ATP5MG: variants seen among roughly 807,000 people sequenced by gnomAD.
The protein encoded by ATP5MG is ATP synthase F(0) complex subunit g, mitochondrial.
ATP5MG carries 7 observed loss-of-function variants against 12.7 expected under a neutral mutation model. That is an observed-to-expected ratio of 0.55 (90% confidence interval 0.31 to 1.04). The LOEUF (loss-of-function observed/expected upper bound fraction) is 1.04. ATP5MG is among the 50% of genes least tolerant of loss of function. The probability of loss-of-function intolerance (pLI) is 0.05; values close to 1 mark genes in which losing one functional copy is unlikely to be tolerated. For synonymous variants in ATP5MG, 53 were observed against 48.2 expected, an observed-to-expected ratio of 1.10 and a Z score of -0.41; for missense variants, 116 against 126.7, an observed-to-expected ratio of 0.92 and a Z score of 0.41.
intron 2 of ATP5MG, 41 bp downstream of exon 2, chr11:118,407,138 A>C: frequency 6.2e-7 from 1 of 1,610,960 alleles, no homozygotes; most frequent in Non-Finnish European, 8.5e-7. Flanking sequence ...CATAACAGAA[A>C]ATGTCTTCCC....
chr11:118,407,184 G>A, intron 2 of ATP5MG, 87 bp downstream of exon 2: 2 of 1,551,218 alleles, frequency 1.3e-6, no homozygotes, highest in Non-Finnish European at 1.7e-6. Flanking sequence ...TAATATATAT[G>A]TTTCCAATGA....
rs564387016 is a variant in ATP5MG at position 118,405,347 on chromosome 11, T to C, written c.53-1590T>C. Among the ~76,000 whole-genome samples the C allele has an allele frequency of 3.9e-5, 6 of 152,340 alleles. No individual in the cohort carries two copies. The East Asian group carries it at 9.6e-4, about 24-fold the overall frequency. On this transcript the variant is annotated intron_variant, in intron 1 of 2. Coordinates refer to ENST00000300688, the MANE Select transcript of ATP5MG (RefSeq NM_006476.5). ...ATTAAGCTAAACCTGAGTCCAACTC[T>C]AACCCAGTACTGTGGGATTTATTCT...
chr11:118,405,472 T>C (rs1223889089), intron 1 of ATP5MG, among the ~76,000 whole-genome samples: 4 of 152,202 alleles, frequency 2.6e-5, no homozygotes, highest in African/African-American at 4.8e-5. Flanking sequence ...TGTATACATG[T>C]AAAGCAGTTT....
At chr11:118,407,400 T>C in intron 2 of ATP5MG, 1 of 262,516 alleles carries the variant, frequency 3.8e-6, no homozygotes, top group Non-Finnish European at 7.4e-6. Flanking sequence ...TATGATGGCT[T>C]GCTTTGCTGA....
chr11:118,406,841 C>A, intron 1 of ATP5MG, 96 bp from the exon 2 acceptor site: 1 of 1,496,780 alleles, frequency 6.7e-7, no homozygotes, highest in Non-Finnish European at 8.9e-7. Flanking sequence ...GAAGGTGATG[C>A]ATGAATAAAT....
At chr11:118,408,340 C>A (rs1435526132) in intron 2 of ATP5MG, among the ~76,000 whole-genome samples, 1 of 152,068 alleles carries the variant, frequency 6.6e-6, no homozygotes, top group Admixed American at 6.6e-5. Flanking sequence ...AAATTCACTT[C>A]CAGAAGTGCT....
In ATP5MG at chr11:118,401,684, A is replaced by G; in HGVS notation, c.19A>G (p.Asn7Asp). 1 of 1,613,948 alleles carries G rather than the reference A, an allele frequency of 6.2e-7. No individual in the cohort carries two copies. Among genetic ancestry groups the G allele is most frequent in the Non-Finnish European group, 8.5e-7 (1 of 1,179,932 alleles). ...CAGAACCATGGCCCAATTTGTCCGT[A>G]ACCTTGTGGAGAAGACCCCGGCGCT... The part of the protein sequence containing the change: MAQFVR[N>D]LVEKTPALVN... Residue 7 changes from asparagine to aspartate, a missense_variant, in exon 1 of 3, where the codon AAC becomes GAC. Transcript: ENST00000300688.
intron 1 of ATP5MG, among the ~76,000 whole-genome samples, chr11:118,402,374 G>A (rs1449144991): frequency 6.6e-6 from 1 of 152,108 alleles, no homozygotes; most frequent in African/African-American, 2.4e-5. Context: ...AGCTTGAAGA[G>A]CCTCACTGGT....
intron 2 of ATP5MG, 109 bp downstream of exon 2, chr11:118,407,206 G>T: frequency 1.4e-6 from 2 of 1,453,110 alleles, no homozygotes; most frequent in East Asian, 2.5e-5. Context: ...GCTGAATCCA[G>T]CATAATGAGG....
chr11:118,401,655 A>G lies in ATP5MG; in HGVS notation c.-11A>G, dbSNP rs1555131063. ...GGCGGTTCGGGGCGACGGACTCTCCATTCCAGAACCATGGCCCAATTTGTC... is the reference window on the plus strand; with the variant it reads ...GGCGGTTCGGGGCGACGGACTCTCCGTTCCAGAACCATGGCCCAATTTGTC... On this transcript the variant is annotated 5_prime_UTR_variant, in exon 1 of 3. Coordinates refer to ENST00000300688, the MANE Select transcript of ATP5MG (RefSeq NM_006476.5). The G allele has an allele frequency of 3.7e-6, 6 of 1,613,956 alleles. No homozygotes were observed. Among genetic ancestry groups the G allele is most frequent in the Middle Eastern group, 1.6e-4 (1 of 6,082 alleles).
In ATP5MG at chr11:118,409,137, T is replaced by A. The variant is rs782138658; in HGVS notation, c.*39T>A. ...ACATCTGATTATATTTGATTTATTA[T>A]TTGAGTGTTGTTGGACCATGTGTGA... On this transcript the variant is annotated 3_prime_UTR_variant, in exon 3 of 3. Coordinates refer to ENST00000300688, the MANE Select transcript of ATP5MG (RefSeq NM_006476.5). The A allele has an allele frequency of 1.4e-5, 21 of 1,449,166 alleles. No individual in the cohort carries two copies. The Middle Eastern group carries it at 7.1e-4, about 49-fold the overall frequency. 89.8% of individuals were successfully genotyped at this position (1,449,166 alleles called of 1,614,324 possible).
At chr11:118,402,982 G>A (rs1948941848) in intron 1 of ATP5MG, among the ~76,000 whole-genome samples, 1 of 152,080 alleles carries the variant, frequency 6.6e-6, no homozygotes, top group South Asian at 2.1e-4. Flanking sequence ...TTACAGGTGT[G>A]AGCCACAGCG....
At chr11:118,408,951 TTATA>T in intron 2 of ATP5MG, 45 bp from the exon 3 acceptor site, 1 of 452,052 alleles carries the variant, frequency 2.2e-6, no homozygotes, top group Non-Finnish European at 3.5e-6. Flanking sequence ...ATATATATAA[TTATA>T]TATATATATA....
At chr11:118,406,778 G>T in intron 1 of ATP5MG, 159 bp from the exon 2 acceptor site, 4 of 1,077,394 alleles carry the variant, frequency 3.7e-6, no homozygotes, top group Non-Finnish European at 5.2e-6. Flanking sequence ...CTTGTTACCA[G>T]GGAGCAGCTT....
chr11:118,403,715 C>T (rs1286669806), intron 1 of ATP5MG, among the ~76,000 whole-genome samples: 1 of 151,428 alleles, frequency 6.6e-6, no homozygotes, highest in Non-Finnish European at 1.5e-5. Flanking sequence ...ATCTCTTTAA[C>T]CCAGGAGGCG....
At chr11:118,402,671 T>A (rs1313108450) in intron 1 of ATP5MG, among the ~76,000 whole-genome samples, 4 of 151,742 alleles carry the variant, frequency 2.6e-5, no homozygotes, top group Non-Finnish European at 5.9e-5. Context: ...TGAGTTTGGT[T>A]TGGGTATTTT....
At chr11:118,404,500 C>G (rs1313591955) in intron 1 of ATP5MG, among the ~76,000 whole-genome samples, 1 of 152,132 alleles carries the variant, frequency 6.6e-6, no homozygotes, top group Non-Finnish European at 1.5e-5. Flanking sequence ...TCTGTCTTGT[C>G]AAAGTATCTG....
intron 2 of ATP5MG, among the ~76,000 whole-genome samples, chr11:118,408,687 G>A (rs1392518669): frequency 6.6e-6 from 1 of 152,104 alleles, no homozygotes; most frequent in Non-Finnish European, 1.5e-5. Context: ...TTGTTTTAGG[G>A]CTCATAAAGT....
At position 118,406,952 on chromosome 11, in the gene ATP5MG, C is replaced by G; in HGVS notation, c.68C>G (p.Ser23Trp). Reference protein sequence around the residue: ...PALVNAAVTYSKPRLATFWYY... With the variant: ...PALVNAAVTYWKPRLATFWYY... ...TGTTTTCCAGCTGCTGTGACTTACT[C>G]GAAGCCTCGATTGGCCACATTTTGG... Residue 23 changes from serine to tryptophan, a missense_variant, in exon 2 of 3, where the codon TCG becomes TGG. By Grantham distance (177) the Ser-to-Trp change is radical (BLOSUM62 -3). Coordinates refer to ENST00000300688, the MANE Select transcript of ATP5MG (RefSeq NM_006476.5). The G allele has an allele frequency of 1.2e-6, 2 of 1,608,462 alleles. No homozygotes were observed. The highest frequency in any genetic ancestry group is 2.2e-5 in the South Asian group (2 of 90,058).
Sources: gnomAD v4.1 joint callset for allele counts (sites outside exome capture counted in the v4.1 genomes callset) on GRCh38, gnomAD v4.1.1 for gene constraint, MANE v1.5 for transcripts, NCBI Gene and HGNC (gene_info 2026-07-23, HGNC 2026-07-21) for gene names.